SLC2A9: variants seen among roughly 807,000 people sequenced by gnomAD.
SLC2A9 encodes the protein solute carrier family 2 member 9, also known as solute carrier family 2, facilitated glucose transporter member 9.
SLC2A9 carries 39 observed loss-of-function variants against 50.6 expected under a neutral mutation model. The observed-to-expected ratio is 0.77, with a 90% CI of 0.60 to 1.01. The LOEUF (loss-of-function observed/expected upper bound fraction) is 1.01. SLC2A9 is among the 50% of genes least tolerant of loss of function. The pLI, the probability that SLC2A9 is intolerant of heterozygous loss-of-function variation, is 0.00. For missense variants in SLC2A9, 686 were observed against 677.6 expected (o/e 1.01, Z -0.14); for synonymous variants, 324 against 276.9 (o/e 1.17, Z -1.69).
rs543353755 is a variant in SLC2A9, at chr4:10,018,450, A to G, written c.249+525T>C. 2.6e-3 allele frequency among the ~76,000 whole-genome samples: 395 copies of G among 152,174 alleles called. 4 individuals carry two copies. The highest frequency in any genetic ancestry group is 0.021 in the Middle Eastern group (6 of 292). On this transcript the variant is annotated intron_variant, in intron 2 of 11. Transcript: ENST00000264784. ...CCAGTTACTCGGGAGGCTGAGGCAG[A>G]AGAATCACTTGAACGTGGGAGGCGG...
chr4:9,841,400 G>A (rs13435427), intron 10 of SLC2A9, among the ~76,000 whole-genome samples: 12,273 of 151,696 alleles, frequency 0.081, 1,037 homozygotes, highest in East Asian at 0.24. Flanking sequence ...TTTCTTCTTT[G>A]TTCTAGTTTC....
At chr4:9,865,072 G>A (rs1433047729) in intron 10 of SLC2A9, among the ~76,000 whole-genome samples, 1 of 152,234 alleles carries the variant, frequency 6.6e-6, no homozygotes, top group African/African-American at 2.4e-5. Context: ...TTAAGAAGGA[G>A]GTGGAGCCAG....
intron 7 of SLC2A9, among the ~76,000 whole-genome samples, chr4:9,914,230 G>A (rs746779151): frequency 3.9e-5 from 6 of 152,170 alleles, no homozygotes; most frequent in South Asian, 2.1e-4. Context: ...GGAATTACCC[G>A]AGAGGTGAGA....
chr4:10,013,201 G>C (rs1762056686), intron 2 of SLC2A9, among the ~76,000 whole-genome samples: 1 of 152,180 alleles, frequency 6.6e-6, no homozygotes, highest in African/African-American at 2.4e-5. Flanking sequence ...CCATCTGGGG[G>C]AAGAAAGGAC....
rs80008936 is a variant in SLC2A9, at chr4:9,971,542, G to A, written c.681+9050C>T. 3.6e-3 allele frequency among the ~76,000 whole-genome samples: 546 copies of A among 152,322 alleles called. 5 individuals carry two copies. The highest frequency in any genetic ancestry group is 0.012 in the African/African-American group (492 of 41,584). On this transcript the variant is annotated intron_variant, in intron 5 of 11. Transcript: ENST00000264784. ...TTGTTGCTCAAATGTAGCTAAAAGA[G>A]TTTAGACACTAACTCCAATTACACC... is the stretch of plus-strand genomic sequence containing the variant.
At chr4:9,906,784 C>T (rs1451130325) in intron 8 of SLC2A9, among the ~76,000 whole-genome samples, 1 of 152,168 alleles carries the variant, frequency 6.6e-6, no homozygotes, top group Non-Finnish European at 1.5e-5. Flanking sequence ...TTTTCCATTG[C>T]TCAAAGTAAA....
At chr4:9,970,172 C>A (rs1464292245) in intron 5 of SLC2A9, among the ~76,000 whole-genome samples, 1 of 152,136 alleles carries the variant, frequency 6.6e-6, no homozygotes, top group Non-Finnish European at 1.5e-5. Flanking sequence ...ATGGCCTTGG[C>A]CCCACCCAGC....
chr4:9,946,734 A>G (rs570559712), intron 5 of SLC2A9, among the ~76,000 whole-genome samples: 2 of 152,224 alleles, frequency 1.3e-5, no homozygotes, highest in Non-Finnish European at 2.9e-5. Flanking sequence ...CTTGTGTTAC[A>G]TAAGAACAGT....
intron 6 of SLC2A9, among the ~76,000 whole-genome samples, chr4:9,937,078 C>T (rs1747220046): frequency 6.6e-6 from 1 of 152,172 alleles, no homozygotes; most frequent in Non-Finnish European, 1.5e-5. Context: ...CCAGCAATCT[C>T]AAAGGTTGCA....
At chr4:9,858,569 A>AG (rs1203072512) in intron 10 of SLC2A9, among the ~76,000 whole-genome samples, 1 of 152,120 alleles carries the variant, frequency 6.6e-6, no homozygotes, top group African/African-American at 2.4e-5. Flanking sequence ...TGAGAGTGTA[A>AG]GGGGGGATGG....
intron 1 of SLC2A9, among the ~76,000 whole-genome samples, chr4:10,036,455 TA>T (rs1695350298): frequency 1.3e-5 from 2 of 152,240 alleles, no homozygotes; most frequent in South Asian, 4.1e-4. Flanking sequence ...CGCTCTTCCA[TA>T]ACATTGTGGC....
At chr4:9,883,025 T>C (rs929059721) in intron 10 of SLC2A9, among the ~76,000 whole-genome samples, 2 of 152,026 alleles carry the variant, frequency 1.3e-5, no homozygotes, top group African/African-American at 4.8e-5. Context: ...ATGCAGAAAA[T>C]AGCTTCTTTC....
At chr4:9,880,441 T>A in intron 10 of SLC2A9, 3 of 985,256 alleles carry the variant, frequency 3.0e-6, no homozygotes, top group Non-Finnish European at 3.6e-6. Flanking sequence ...GCCCAGCATT[T>A]AAAGCCCTGG....
chr4:9,899,156 G>C (rs563686837), intron 8 of SLC2A9, among the ~76,000 whole-genome samples: 1 of 152,332 alleles, frequency 6.6e-6, no homozygotes, highest in South Asian at 2.1e-4. Flanking sequence ...GGGCCACCCC[G>C]CAGGCATCCC....
chr4:9,835,029 C>T (rs1726797952), intron 10 of SLC2A9, 21 bp from the exon 11 acceptor site: 2 of 1,612,514 alleles, frequency 1.2e-6, no homozygotes, highest in South Asian at 1.1e-5. Context: ...TGAGCCAGGA[C>T]ATGGAATTAA....
Position 10,026,967 on chromosome 4 carries a change from C to T in SLC2A9, c.-40-961G>A, listed in dbSNP as rs1184513275. Among the ~76,000 whole-genome samples the T allele has an allele frequency of 3.3e-5, 5 of 152,026 alleles. No homozygotes were observed. The East Asian group carries it at 9.6e-4, about 29-fold the overall frequency. On this transcript the variant is annotated intron_variant, in intron 1 of 12. Transcript: ENST00000309065. ...GCTGAGGCAGGAGAATTGCTTGAACCCAGGAGGCAGAGGTTGCAGTGGGCT... is the reference window on the plus strand; with the variant it reads ...GCTGAGGCAGGAGAATTGCTTGAACTCAGGAGGCAGAGGTTGCAGTGGGCT...
rs150855640 is a variant in SLC2A9, at chr4:10,005,964, T to G, written c.250-9023A>C. 2.0e-5 allele frequency among the ~76,000 whole-genome samples: 3 copies of G among 152,312 alleles called. No individual in the cohort carries two copies. In the East Asian group the frequency reaches 5.8e-4, roughly 29 times the overall value. The stretch of plus-strand genomic sequence containing the variant: ...CTCCTTGAAGAGTTACTGTGAAGAT[T>G]TAATGAGAGAATGAAGATACAGCAC... On this transcript the variant is annotated intron_variant, in intron 2 of 11. Coordinates refer to ENST00000264784, the MANE Select transcript of SLC2A9 (RefSeq NM_020041.3).
intron 10 of SLC2A9, among the ~76,000 whole-genome samples, chr4:9,886,115 A>C (rs536502233): frequency 6.9e-4 from 105 of 152,144 alleles, no homozygotes; most frequent in East Asian, 6.4e-3. Flanking sequence ...CTCACTGAGC[A>C]GCTGACATCT....
intron 3 of SLC2A9, among the ~76,000 whole-genome samples, chr4:9,801,379 A>T (rs991221812): frequency 6.6e-6 from 1 of 152,250 alleles, no homozygotes; most frequent in Non-Finnish European, 1.5e-5. Flanking sequence ...TTCCAGCAGT[A>T]GCTACCGCTA....
Sources: gnomAD v4.1 joint callset for allele counts (sites outside exome capture counted in the v4.1 genomes callset) on GRCh38, gnomAD v4.1.1 for gene constraint, MANE v1.5 for transcripts, NCBI Gene and HGNC (gene_info 2026-07-23, HGNC 2026-07-21) for gene names.